Variants in RCAN2 observed in about 807,000 individuals in gnomAD.
RCAN2 encodes regulator of calcineurin 2, also known as calcipressin-2.
Under a neutral mutation model 23.6 loss-of-function variants are expected in RCAN2, and 9 were observed. The ratio of observed to expected loss-of-function variants is 0.38; its 90% CI spans 0.23 to 0.67. The LOEUF (loss-of-function observed/expected upper bound fraction) is 0.67, where lower values mean the gene tolerates loss of function less well. Ranked by LOEUF, RCAN2 falls within the 30% of genes least tolerant of loss-of-function variation. RCAN2 has a pLI of 0.51. For missense variants in RCAN2, 273 were observed against 302.3 expected, an observed-to-expected ratio of 0.90 and a Z score of 0.72; for synonymous variants, 109 against 115.7, an observed-to-expected ratio of 0.94 and a Z score of 0.37.
chr6:46,332,372 A>G (rs1582113290), intron 2 of RCAN2, among the ~76,000 whole-genome samples: 1 of 151,982 alleles, frequency 6.6e-6, no homozygotes, highest in Admixed American at 6.6e-5. Flanking sequence ...GGTTAGTTAC[A>G]TATATATACA....
intron 1 of RCAN2, among the ~76,000 whole-genome samples, chr6:46,458,635 A>G (rs1768117062): frequency 6.6e-6 from 1 of 152,174 alleles, no homozygotes; most frequent in East Asian, 1.9e-4. Context: ...AATCTAAAAT[A>G]TATGAATATT....
At chr6:46,460,869 G>A (rs1216377127) in intron 1 of RCAN2, among the ~76,000 whole-genome samples, 2 of 152,146 alleles carry the variant, frequency 1.3e-5, no homozygotes, top group Non-Finnish European at 2.9e-5. Context: ...TATTTCAAAT[G>A]TCTACACTAA....
chr6:46,398,406 T>C (rs886428583), intron 2 of RCAN2, among the ~76,000 whole-genome samples: 1 of 152,190 alleles, frequency 6.6e-6, no homozygotes, highest in Admixed American at 6.5e-5. Context: ...GGTCCAAAGA[T>C]AATTTCTTAG....
chr6:46,318,113 G>C (rs1046889038), intron 2 of RCAN2, among the ~76,000 whole-genome samples: 1 of 152,338 alleles, frequency 6.6e-6, no homozygotes, highest in African/African-American at 2.4e-5. Flanking sequence ...GTGGTGACAT[G>C]TGGGATGGTT....
chr6:46,229,632 C>T (rs1423269263), intron 4 of RCAN2, among the ~76,000 whole-genome samples: 2 of 152,042 alleles, frequency 1.3e-5, no homozygotes, highest in African/African-American at 4.8e-5. Flanking sequence ...GGTCATTTAA[C>T]GTCTTCTCTA....
chr6:46,366,738 T>C (rs1045408974), intron 2 of RCAN2, among the ~76,000 whole-genome samples: 25 of 151,694 alleles, frequency 1.6e-4, no homozygotes, highest in African/African-American at 6.0e-4. Context: ...TAGAATTTCC[T>C]CATATCTCAG....
At chr6:46,354,895 ATATGTGTGTGTGTGTGTGTGTG>A (rs886909715) in intron 2 of RCAN2, among the ~76,000 whole-genome samples, 5 of 136,306 alleles carry the variant, frequency 3.7e-5, no homozygotes, top group Non-Finnish European at 7.8e-5. Context: ...AAAAGATTAT[ATATGTGTGTGTGTGTGTGTGTG>A]TGTGTGTGTG....
intron 2 of RCAN2, among the ~76,000 whole-genome samples, chr6:46,250,909 T>C (rs1468164531): frequency 6.6e-6 from 1 of 152,134 alleles, no homozygotes; most frequent in East Asian, 1.9e-4. Context: ...CCCATGTTGG[T>C]GATGATTCCA....
At chr6:46,330,614 T>A (rs142691171) in intron 2 of RCAN2, among the ~76,000 whole-genome samples, 2 of 152,268 alleles carry the variant, frequency 1.3e-5, no homozygotes, top group Non-Finnish European at 2.9e-5. Context: ...TTCCCATCCT[T>A]TCTCCCCCTC....
At position 46,381,825 on chromosome 6, in the gene RCAN2, A is replaced by G. The variant is rs578198990; in HGVS notation, c.225+74927T>C. On this transcript the variant is annotated intron_variant, in intron 2 of 4. Coordinates refer to ENST00000371374, the MANE Select transcript of RCAN2 (RefSeq NM_001251974.2). ...CTTTTTTGGCATTTTAAAAAATCTTATCTGGTAAAGCCAGGTCTTCAAGGG... is the reference window on the plus strand; with the variant it reads ...CTTTTTTGGCATTTTAAAAAATCTTGTCTGGTAAAGCCAGGTCTTCAAGGG... Among the ~76,000 whole-genome samples the G allele has an allele frequency of 5.5e-4, 83 of 152,246 alleles. 1 individual carries two copies. The highest frequency in any genetic ancestry group is 1.0e-3 in the Non-Finnish European group (70 of 68,018).
intron 2 of RCAN2, among the ~76,000 whole-genome samples, chr6:46,266,822 A>C (rs1169767142): frequency 6.6e-6 from 1 of 152,176 alleles, no homozygotes; most frequent in East Asian, 1.9e-4. Flanking sequence ...AAGTTGAAAG[A>C]TGCAAAGCAC....
Position 46,221,607 on chromosome 6 carries a change from CTTTAA to C in RCAN2, c.*1529_*1533del, listed in dbSNP as rs1242438924. On this transcript the variant is annotated 3_prime_UTR_variant, in exon 5 of 5. Coordinates refer to ENST00000371374, the MANE Select transcript of RCAN2 (RefSeq NM_001251974.2). The stretch of plus-strand genomic sequence containing the variant: ...ATTGCTATATTCACAGTAAAACGGA[CTTTAA>C]TTTCTGAGTGATCAGTCTATGTTTT... 1 of 252,670 alleles carries C rather than the reference CTTTAA, an allele frequency of 4.0e-6. No homozygotes were observed. Among genetic ancestry groups the C allele is most frequent in the Non-Finnish European group, 7.5e-6 (1 of 134,042 alleles). The allele number at this position is 252,670 out of a possible 1,614,324, so 15.7% of individuals were successfully genotyped here.
At chr6:46,451,462 G>A (rs1767881082) in intron 2 of RCAN2, among the ~76,000 whole-genome samples, 1 of 152,116 alleles carries the variant, frequency 6.6e-6, no homozygotes, top group Non-Finnish European at 1.5e-5. Context: ...AATGGATTGT[G>A]AAAAAAGTCT....
At position 46,440,451 on chromosome 6, in the gene RCAN2, A is replaced by AT. The variant is rs1263710375; in HGVS notation, c.225+16300dup. On this transcript the variant is annotated intron_variant, in intron 2 of 4. Transcript: ENST00000371374. The stretch of plus-strand genomic sequence containing the variant: ...TAAAAATATCATATTAACTTAGGTG[A>AT]TTTTTTTCTATTCACAATGGAATTT... Among the ~76,000 whole-genome samples the AT allele has an allele frequency of 2.6e-5, 4 of 152,082 alleles. No homozygotes were observed. The South Asian group carries it at 6.2e-4, about 24-fold the overall frequency.
intron 2 of RCAN2, among the ~76,000 whole-genome samples, chr6:46,349,185 C>A (rs998718513): frequency 3.9e-5 from 6 of 152,088 alleles, no homozygotes; most frequent in Non-Finnish European, 7.4e-5. Flanking sequence ...TACTATGAGT[C>A]ACTAATAAGA....
chr6:46,367,304 C>T (rs550288424), intron 2 of RCAN2, among the ~76,000 whole-genome samples: 22 of 151,812 alleles, frequency 1.4e-4, no homozygotes, highest in Admixed American at 1.4e-3. Context: ...TCATAATATA[C>T]CATCAGGTGG....
At position 46,404,257 on chromosome 6, in the gene RCAN2, G is replaced by A. The variant is rs187560846; in HGVS notation, c.225+52495C>T. ...AGAGGTGATTTTGGAAGAGGGAAAT[G>A]AGTGCTTGTTTGATCATAGACCATG... On this transcript the variant is annotated intron_variant, in intron 2 of 4. Transcript: ENST00000371374. 1.6e-3 allele frequency among the ~76,000 whole-genome samples: 244 copies of A among 152,040 alleles called. 2 individuals carry two copies. Among genetic ancestry groups the A allele is most frequent in the African/African-American group, 5.5e-3 (227 of 41,474 alleles).
chr6:46,380,995 A>G (rs2150393467), intron 2 of RCAN2, among the ~76,000 whole-genome samples: 1 of 152,350 alleles, frequency 6.6e-6, no homozygotes, highest in African/African-American at 2.4e-5. Flanking sequence ...CTGGAAAAGC[A>G]ATATAAGAAA....
Position 46,226,560 on chromosome 6 carries a change from G to A in RCAN2, c.572-3259C>T, listed in dbSNP as rs186060825. Among the ~76,000 whole-genome samples, 210 of 152,258 alleles carry A rather than the reference G, an allele frequency of 1.4e-3. 1 individual carries two copies. Among genetic ancestry groups the A allele is most frequent in the Admixed American group, 0.014 (209 of 15,298 alleles). ...CTCTTTGAAGAAATTGTGAATGGGAGTTTACTCATGATTTGGCTCTCTGTT... is the reference window on the plus strand; with the variant it reads ...CTCTTTGAAGAAATTGTGAATGGGAATTTACTCATGATTTGGCTCTCTGTT... On this transcript the variant is annotated intron_variant, in intron 4 of 4. Coordinates refer to ENST00000371374, the MANE Select transcript of RCAN2 (RefSeq NM_001251974.2).
Sources: gnomAD v4.1 joint callset for allele counts (sites outside exome capture counted in the v4.1 genomes callset) on GRCh38, gnomAD v4.1.1 for gene constraint, MANE v1.5 for transcripts, NCBI Gene and HGNC (gene_info 2026-07-23, HGNC 2026-07-21) for gene names.